NEBL: variants seen among roughly 807,000 people sequenced by gnomAD.
The protein encoded by NEBL is LIM and SH3 protein 2.
Under a neutral mutation model 140.2 loss-of-function variants are expected in NEBL, and 122 were observed. That is an observed-to-expected ratio of 0.87 (90% CI 0.75 to 1.01). The LOEUF (loss-of-function observed/expected upper bound fraction) is 1.01. Ranked by LOEUF, NEBL falls within the 50% of genes least tolerant of loss-of-function variation. The pLI, the probability that NEBL is intolerant of heterozygous loss-of-function variation, is 0.00. For synonymous variants in NEBL, 436 were observed against 398.9 expected (o/e 1.09, Z -1.11); for missense variants, 1,365 against 1,231.3 (o/e 1.11, Z -1.62).
chr10:20,800,105 T>C (rs10828133), intron 26 of NEBL, among the ~76,000 whole-genome samples: 40,815 of 151,936 alleles, frequency 0.27, 5,715 homozygotes, highest in East Asian at 0.41. Context: ...TGCTACTTTG[T>C]ATCATTTGAG....
chr10:20,875,208 A>C (rs578193421), intron 5 of NEBL, among the ~76,000 whole-genome samples: 37 of 152,150 alleles, frequency 2.4e-4, no homozygotes, highest in African/African-American at 8.7e-4. Flanking sequence ...CTCTCCTTAT[A>C]ATCCTCCCAC....
At chr10:21,089,507 A>T (rs1429450711) in intron 2 of NEBL, among the ~76,000 whole-genome samples, 3 of 152,054 alleles carry the variant, frequency 2.0e-5, no homozygotes, top group Non-Finnish European at 2.9e-5. Context: ...GGGGGGTGAC[A>T]CGGGTGAGTG....
intron 3 of NEBL, among the ~76,000 whole-genome samples, chr10:21,199,420 A>C (rs1841700207): frequency 6.6e-6 from 1 of 152,180 alleles, no homozygotes; most frequent in Non-Finnish European, 1.5e-5. Flanking sequence ...CCTCTTGAAA[A>C]ATCCCAAAGT....
intron 4 of NEBL, among the ~76,000 whole-genome samples, chr10:20,930,459 T>A (rs1163533829): frequency 3.3e-5 from 5 of 152,210 alleles, no homozygotes; most frequent in Admixed American, 3.3e-4. Flanking sequence ...TTCCTAGACA[T>A]CAGCCAAGGT....
chr10:20,797,900 A>C (rs1836714334), intron 26 of NEBL, among the ~76,000 whole-genome samples: 1 of 152,076 alleles, frequency 6.6e-6, no homozygotes, highest in Non-Finnish European at 1.5e-5. Context: ...CAGGAGTTCA[A>C]AACCAGCCTG....
At chr10:21,172,238 GC>G (rs965669137) in intron 2 of NEBL, 4 of 701,600 alleles carry the variant, frequency 5.7e-6, no homozygotes, top group Non-Finnish European at 1.0e-5. Flanking sequence ...AAAGTACATG[GC>G]CCCAGAGTCT....
rs182681845 is a variant in NEBL at position 21,008,889 on chromosome 10, T to C, written c.249+11228A>G. On this transcript the variant is annotated intron_variant, in intron 3 of 6. Coordinates refer to the NEBL transcript ENST00000417816. ...CTGTATGCATATTGTATGTAATGTA[T>C]GTATATTATATGTATATCTACATAC... Among the ~76,000 whole-genome samples, 18 of 151,882 alleles carry C rather than the reference T, an allele frequency of 1.2e-4. No individual in the cohort carries two copies. In the East Asian group the frequency reaches 3.5e-3, roughly 29 times the overall value.
At chr10:20,956,639 T>A (rs1457948390) in intron 4 of NEBL, among the ~76,000 whole-genome samples, 1 of 152,210 alleles carries the variant, frequency 6.6e-6, no homozygotes, top group Non-Finnish European at 1.5e-5. Flanking sequence ...TACTAGATTT[T>A]ACTACTCAAA....
At chr10:20,891,158 G>T (rs1846994648) in intron 2 of NEBL, among the ~76,000 whole-genome samples, 2 of 152,186 alleles carry the variant, frequency 1.3e-5, no homozygotes, top group South Asian at 4.1e-4. Context: ...ACTAGATACA[G>T]ATTAAGTGAA....
chr10:21,003,343 T>C (rs1364427790), intron 3 of NEBL, among the ~76,000 whole-genome samples: 1 of 152,208 alleles, frequency 6.6e-6, no homozygotes, highest in Admixed American at 6.5e-5. Context: ...CTTTTTCTCA[T>C]GTCTTGTTTC....
In NEBL at chr10:20,787,155, G is replaced by A. The variant is rs1177052131; in HGVS notation, c.2868+47C>T. The A allele has an allele frequency of 6.6e-6, 9 of 1,368,460 alleles. No homozygotes were observed. The African/African-American group carries it at 8.6e-5, about 13-fold the overall frequency. The allele number at this position is 1,368,460 out of a possible 1,614,324, so 84.8% of individuals were successfully genotyped here. ...CCACATGTATTTACATGCTTGAGGG[G>A]AAATGGGAAGACCAGCTAAGGAGGA... On this transcript the variant is annotated intron_variant, in intron 27 of 27. Coordinates refer to ENST00000377122, the MANE Select transcript of NEBL (RefSeq NM_006393.3).
At chr10:21,029,963 A>T (rs67179) in intron 2 of NEBL, 12 of 541,872 alleles carry the variant, frequency 2.2e-5, no homozygotes, top group South Asian at 2.2e-4. Flanking sequence ...CGGGATGATT[A>T]TAGGTATAAT....
At chr10:20,952,904 CAAAAAAAA>C (rs34713711) in intron 4 of NEBL, among the ~76,000 whole-genome samples, 2 of 62,330 alleles carry the variant, frequency 3.2e-5, no homozygotes, top group Non-Finnish European at 5.5e-5. Context: ...GACCCTGTCT[CAAAAAAAA>C]AAAAAAAAAA....
intron 1 of NEBL, among the ~76,000 whole-genome samples, chr10:21,267,151 T>C (rs1842806822): frequency 6.6e-6 from 1 of 152,134 alleles, no homozygotes; most frequent in Non-Finnish European, 1.5e-5. Flanking sequence ...ATTTTTTGTA[T>C]TTTTAATAAA....
At chr10:20,970,187 T>C (rs1278968337) in intron 3 of NEBL, among the ~76,000 whole-genome samples, 1 of 152,144 alleles carries the variant, frequency 6.6e-6, no homozygotes, top group Non-Finnish European at 1.5e-5. Context: ...AGAGCGAGGA[T>C]GGGAAGCCCA....
Position 20,912,647 on chromosome 10 carries a change from T to C in NEBL, c.357+49025A>G, listed in dbSNP as rs1415811732. 5.9e-5 allele frequency among the ~76,000 whole-genome samples: 9 copies of C among 152,182 alleles called. No homozygotes were observed. In the East Asian group the frequency reaches 1.7e-3, roughly 29 times the overall value. On this transcript the variant is annotated intron_variant, in intron 4 of 6. Coordinates refer to the NEBL transcript ENST00000417816. ...TTGCAGACCTGATATCTTGTTCCTC[T>C]CATTTCAGCATTTCCTACTTACGTT...
intron 3 of NEBL, among the ~76,000 whole-genome samples, chr10:20,999,729 C>G (rs1315514804): frequency 1.3e-5 from 2 of 152,216 alleles, no homozygotes; most frequent in African/African-American, 4.8e-5. Context: ...GCAATGAGGT[C>G]TGATGGCTCC....
rs1331215049 is a variant in NEBL at position 20,781,942 on chromosome 10, T to C, written c.*3805A>G. On this transcript the variant is annotated 3_prime_UTR_variant, in exon 28 of 28. Transcript: ENST00000377122. The stretch of plus-strand genomic sequence containing the variant: ...AAGCAAATCGCTAAGGTATAATTAA[T>C]TTATGAAGTGAAGTTCATCTTGTGT... 1 of 152,574 alleles carries C rather than the reference T, an allele frequency of 6.6e-6. No individual in the cohort carries two copies. The highest frequency in any genetic ancestry group is 1.9e-4 in the East Asian group (1 of 5,198). 9.5% of individuals were successfully genotyped at this position (152,574 alleles called of 1,614,324 possible). A position where few individuals can be genotyped will look rare whatever the true frequency, so the allele number is the denominator to read the frequency against.
intron 3 of NEBL, among the ~76,000 whole-genome samples, chr10:21,206,023 A>T (rs564949523): frequency 1.3e-5 from 2 of 152,340 alleles, no homozygotes; most frequent in South Asian, 4.1e-4. Flanking sequence ...GGTGCCAATT[A>T]ATATGGGAAT....
Sources: gnomAD v4.1 joint callset for allele counts (sites outside exome capture counted in the v4.1 genomes callset) on GRCh38, gnomAD v4.1.1 for gene constraint, MANE v1.5 for transcripts, NCBI Gene and HGNC (gene_info 2026-07-23, HGNC 2026-07-21) for gene names.